PC: variants seen among roughly 807,000 people sequenced by gnomAD.
PC encodes pyruvate carboxylase, mitochondrial.
A neutral mutation model predicts 107.8 loss-of-function variants in PC; 46 were observed. The observed-to-expected ratio is 0.43, with a 90% CI of 0.34 to 0.55. The LOEUF is 0.55. Ranked by LOEUF, PC falls within the 20% of genes least tolerant of loss-of-function variation. PC has a pLI of 0.04. For missense variants in PC, 1,241 were observed against 1,643.1 expected, an observed-to-expected ratio of 0.76 and a Z score of 4.23; for synonymous variants, 662 against 684.7, an observed-to-expected ratio of 0.97 and a Z score of 0.52.
intron 12 of PC, chr11:66,859,946 C>T (rs1460369168): frequency 3.1e-6 from 5 of 1,596,304 alleles, no homozygotes; most frequent in African/African-American, 2.7e-5. Flanking sequence ...CCCTCAAGCT[C>T]AGCCACGTCC....
intron 11 of PC, among the ~76,000 whole-genome samples, chr11:66,864,405 G>A (rs57466874): frequency 0.015 from 2,340 of 152,392 alleles, 37 homozygotes; most frequent in South Asian, 0.04. Context: ...CCCAGACAGC[G>A]AGGGGACGGC....
chr11:66,849,675 C>T lies in PC; in HGVS notation c.3083G>A (p.Gly1028Asp). 6.2e-7 allele frequency: 1 copy of T among 1,614,146 alleles called. No homozygotes were observed. Among genetic ancestry groups the T allele is most frequent in the Non-Finnish European group, 8.5e-7 (1 of 1,180,020 alleles). ...AHFKDFTATF[G>D]PLDSLNTRLF... ...GCGAGTATTCAGGCTATCCAGGGGG[C>T]CAAAGGTGGCAGTGAAGTCCTTGAA... The change falls in exon 21 of 23, where the codon GGC (glycine) becomes GAC (aspartate). Residue 1028 changes from glycine (G) to aspartate (D), a missense_variant. Coordinates refer to ENST00000393960, the MANE Select transcript of PC (RefSeq NM_001040716.2).
intron 3 of PC, among the ~76,000 whole-genome samples, chr11:66,916,956 A>G (rs571007708): frequency 6.6e-6 from 1 of 151,226 alleles, no homozygotes; most frequent in Non-Finnish European, 1.5e-5. Context: ...TCTGTCTCAA[A>G]AAAATAAAAT....
intron 3 of PC, among the ~76,000 whole-genome samples, chr11:66,913,369 A>G (rs1948386853): frequency 6.6e-6 from 1 of 151,936 alleles, no homozygotes; most frequent in African/African-American, 2.4e-5. Context: ...CTGGCAGCCC[A>G]ATCTCACATG....
At chr11:66,877,472 G>A (rs1259314505) in intron 3 of PC, among the ~76,000 whole-genome samples, 1 of 151,948 alleles carries the variant, frequency 6.6e-6, no homozygotes, top group African/African-American at 2.4e-5. Flanking sequence ...GGTGCATCAC[G>A]AGGTCAGGAG....
At chr11:66,936,169 G>A (rs200634865) in intron 3 of PC, among the ~76,000 whole-genome samples, 1 of 151,534 alleles carries the variant, frequency 6.6e-6, no homozygotes, top group East Asian at 1.9e-4. Context: ...CATTGCTTGA[G>A]CCCAGGAGGT....
rs201507432 is a variant in PC at position 66,870,283 on chromosome 11, C to T, written c.903+19G>A. 3.9e-5 allele frequency: 63 copies of T among 1,612,168 alleles called. No homozygotes were observed. In the East Asian group the frequency reaches 6.5e-4, roughly 17 times the overall value. On this transcript the variant is annotated intron_variant, in intron 9 of 22. Transcript: ENST00000393960. This position sits in a 1 kb window ranked among gnomAD's most constrained non-coding sequence, Gnocchi z 6.1. ...GTGAGCACAGGCTCCTGTCCCAACA[C>T]GGGAAGCCCACCCTTCACCTGTTTA...
In PC at chr11:66,857,274, GC is replaced by G. The variant is rs1301753893; in HGVS notation, c.1369-3892del. 6.7e-6 allele frequency: 1 copy of G among 149,610 alleles called. No homozygotes were observed. The highest frequency in any genetic ancestry group is 1.5e-5 in the Non-Finnish European group (1 of 66,982). The allele number at this position is 149,610 out of a possible 1,614,324, so 9.3% of individuals were successfully genotyped here. A position where few individuals can be genotyped will look rare whatever the true frequency, so the allele number is the denominator to read the frequency against. On this transcript the variant is annotated intron_variant, in intron 12 of 22. Transcript: ENST00000393960. The surrounding 1 kb of genome is among the most constrained non-coding windows in gnomAD (Gnocchi z 7.1). Reference sequence around the variant, plus strand: ...CGGGCTCGCAGGGAGGCCGGCCCGCGCCCCCTGAGCGACGGACACCAGGTGA... The same window carrying G: ...CGGGCTCGCAGGGAGGCCGGCCCGCGCCCCTGAGCGACGGACACCAGGTGA...
intron 11 of PC, 70 bp from the exon 12 acceptor site, chr11:66,864,026 G>A (rs903968214): frequency 1.8e-5 from 28 of 1,517,806 alleles, no homozygotes; most frequent in Non-Finnish European, 2.5e-5. Flanking sequence ...CCACCCCGAG[G>A]CTGGCCAGGT....
intron 3 of PC, among the ~76,000 whole-genome samples, chr11:66,906,095 G>A (rs1948155018): frequency 6.6e-6 from 1 of 152,154 alleles, no homozygotes; most frequent in South Asian, 2.1e-4. Context: ...TCAAAGTTGT[G>A]GGGAAGGGCA....
At chr11:66,899,911 T>C (rs145096879) in intron 3 of PC, among the ~76,000 whole-genome samples, 36 of 152,346 alleles carry the variant, frequency 2.4e-4, no homozygotes, top group African/African-American at 7.7e-4. Context: ...TTTGAATTAA[T>C]TTTTGTATAT....
rs1262331619 is a variant in PC, at chr11:66,859,659, C to T, written c.1368+4115G>A. On this transcript the variant is annotated intron_variant, in intron 12 of 22. Transcript: ENST00000393960. Reference sequence around the variant, plus strand: ...CAGGATTGTCCCAGCCTCCAGCCACCACTTCCTGCTGAAGCACCTCGTCCC... The same window carrying T: ...CAGGATTGTCCCAGCCTCCAGCCACTACTTCCTGCTGAAGCACCTCGTCCC... 7.4e-6 allele frequency: 12 copies of T among 1,613,060 alleles called. No homozygotes were observed. The African/African-American group carries it at 1.3e-4, about 18-fold the overall frequency.
At chr11:66,859,911 C>G (rs533888035) in intron 12 of PC, 2 of 1,581,406 alleles carry the variant, frequency 1.3e-6, no homozygotes, top group South Asian at 1.2e-5. Flanking sequence ...GGTTCGGGGC[C>G]GGGGGGCCGG....
intron 12 of PC, among the ~76,000 whole-genome samples, chr11:66,863,462 A>C (rs570396180): frequency 6.6e-6 from 1 of 152,230 alleles, no homozygotes; most frequent in African/African-American, 2.4e-5. Context: ...ATTCCAGGTG[A>C]TTCTCACCCC....
rs780368057 is a variant in PC, at chr11:66,852,716, C to T, written c.1603+31G>A. The T allele has an allele frequency of 3.7e-5, 60 of 1,608,490 alleles. No homozygotes were observed. The East Asian group carries it at 9.4e-4, about 25-fold the overall frequency. On this transcript the variant is annotated intron_variant, in intron 14 of 22. Transcript: ENST00000393960. The surrounding 1 kb of genome is among the most constrained non-coding windows in gnomAD (Gnocchi z 4.7). ...CTGCAGGTGGCAACCTCCTGTCTCC[C>T]CCATGAGTTGACAGAATGGATCTCA...
rs1266012352 is a variant in PC at position 66,852,931 on chromosome 11, T to C, written c.1514-95A>G. 9.4e-6 allele frequency: 9 copies of C among 961,004 alleles called. No homozygotes were observed. In the Admixed American group the frequency reaches 1.1e-4, roughly 11 times the overall value. The allele number at this position is 961,004 out of a possible 1,614,324, so 59.5% of individuals were successfully genotyped here. On this transcript the variant is annotated intron_variant, in intron 13 of 22. Transcript: ENST00000393960. The surrounding 1 kb of genome is among the most constrained non-coding windows in gnomAD (Gnocchi z 4.7). Reference sequence around the variant, plus strand: ...GGCTGGGCTCAGGGACAGGGACACATCCCTCCAGGATCCCCGGGCTTCCAG... The same window carrying C: ...GGCTGGGCTCAGGGACAGGGACACACCCCTCCAGGATCCCCGGGCTTCCAG...
At chr11:66,864,409 G>A (rs1213210681) in intron 11 of PC, among the ~76,000 whole-genome samples, 1 of 152,276 alleles carries the variant, frequency 6.6e-6, no homozygotes, top group African/African-American at 2.4e-5. Context: ...GACAGCGAGG[G>A]GACGGCAGGC....
At chr11:66,949,347 A>G (rs758348335) in intron 3 of PC, among the ~76,000 whole-genome samples, 1 of 152,166 alleles carries the variant, frequency 6.6e-6, no homozygotes, top group Non-Finnish European at 1.5e-5. Context: ...TATAAGTTCA[A>G]TTGAAACATT....
chr11:66,918,390 C>CT lies in PC; in HGVS notation c.-1+34039dup, dbSNP rs769659124. On this transcript the variant is annotated intron_variant, in intron 3 of 22. Transcript: ENST00000393960. ...TTTCAAAAAACATATACAAAATCTA[C>CT]TTTTTTTTTTTTTTTTAAAACAGAG... Among the ~76,000 whole-genome samples, 999 of 141,212 alleles carry CT rather than the reference C, an allele frequency of 7.1e-3. 5 individuals are homozygous for CT. Among genetic ancestry groups the CT allele is most frequent in the African/African-American group, 0.019 (736 of 38,600 alleles). The allele number at this position is 141,212 out of a possible 152,430, so 92.6% of individuals were successfully genotyped here.
Sources: gnomAD v4.1 joint callset for allele counts (sites outside exome capture counted in the v4.1 genomes callset) on GRCh38, gnomAD v4.1.1 for gene constraint, Gnocchi (gnomAD v3.1) non-coding constraint, MANE v1.5 for transcripts, NCBI Gene and HGNC (gene_info 2026-07-23, HGNC 2026-07-21) for gene names.